The following SLC24A2 variants were observed in gnomAD, a reference collection of about 807,000 sequenced individuals.
The protein encoded by SLC24A2 is solute carrier family 24 member 2, also known as sodium/potassium/calcium exchanger 2.
In SLC24A2, 36 loss-of-function variants were observed where a neutral mutation model predicts 62.0. That is an observed-to-expected ratio of 0.58 (90% CI 0.44 to 0.77). SLC24A2 has a LOEUF of 0.77. Among genes scored for constraint, SLC24A2 ranks in the 30% least tolerant of loss-of-function variants. The probability of loss-of-function intolerance (pLI) is 0.00; values close to 1 mark genes in which losing one functional copy is unlikely to be tolerated. For synonymous variants in SLC24A2, 358 were observed against 294.0 expected (o/e 1.22, Z -2.23); for missense variants, 846 against 817.9 (o/e 1.03, Z -0.42).
chr9:19,634,281 CTTT>C (rs35884916), intron 2 of SLC24A2, among the ~76,000 whole-genome samples: 1 of 79,296 alleles, frequency 1.3e-5, no homozygotes, highest in African/African-American at 4.8e-5. Flanking sequence ...ACTGCAGCCT[CTTT>C]TTTTTTTTTT....
the SLC24A2 span, among the ~76,000 whole-genome samples, chr9:20,038,728 C>T: frequency 1.3e-5 from 2 of 150,872 alleles, no homozygotes; most frequent in South Asian, 4.2e-4. Flanking sequence ...ACTAGTTTCA[C>T]AAATAATAAG....
chr9:20,027,731 A>G, the SLC24A2 span, among the ~76,000 whole-genome samples: 1 of 152,138 alleles, frequency 6.6e-6, no homozygotes, highest in South Asian at 2.1e-4. Context: ...TTTAAGATCT[A>G]TTTCATAGCA....
chr9:20,165,079 A>G, the SLC24A2 span, among the ~76,000 whole-genome samples: 1 of 151,550 alleles, frequency 6.6e-6, no homozygotes, highest in African/African-American at 2.4e-5. Flanking sequence ...GCACATGTAT[A>G]CATATGTAAC....
At chr9:19,864,370 A>G in the SLC24A2 span, among the ~76,000 whole-genome samples, 1 of 151,896 alleles carries the variant, frequency 6.6e-6, no homozygotes, top group East Asian at 1.9e-4. Context: ...AAGAACCAGA[A>G]AAAAAAACAA....
At chr9:19,745,360 A>G (rs974671287) in intron 2 of SLC24A2, among the ~76,000 whole-genome samples, 1 of 152,168 alleles carries the variant, frequency 6.6e-6, no homozygotes, top group Non-Finnish European at 1.5e-5. Flanking sequence ...ACACCACTGA[A>G]TACTCTGGAA....
intron 2 of SLC24A2, among the ~76,000 whole-genome samples, chr9:19,683,619 A>T (rs1462087789): frequency 6.6e-6 from 1 of 151,996 alleles, no homozygotes; most frequent in Non-Finnish European, 1.5e-5. Flanking sequence ...CTAACACAAC[A>T]ATATTTAGTT....
chr9:19,961,023 GGTGTGTGTGTGTGTGT>G, the SLC24A2 span, among the ~76,000 whole-genome samples: 1 of 141,618 alleles, frequency 7.1e-6, no homozygotes, highest in Admixed American at 7.0e-5. Flanking sequence ...TAGAGGGGTG[GGTGTGTGTGTGTGTGT>G]GTGTGTGTGT....
At chr9:19,636,315 T>TTTTCCTTTCTTTCTTTCTTTC (rs1564009647) in intron 2 of SLC24A2, among the ~76,000 whole-genome samples, 7 of 40,328 alleles carry the variant, frequency 1.7e-4, no homozygotes, top group East Asian at 7.6e-4. Context: ...TTTTCTTTTC[T>TTTTCCTTTCTTTCTTTCTTTC]TTTCTTTCTT....
At chr9:19,730,117 C>A (rs1464671570) in intron 2 of SLC24A2, among the ~76,000 whole-genome samples, 2 of 152,192 alleles carry the variant, frequency 1.3e-5, no homozygotes, top group African/African-American at 4.8e-5. Context: ...ACAGGTGTCT[C>A]CCTCACTTCC....
intron 7 of SLC24A2, among the ~76,000 whole-genome samples, chr9:19,554,782 G>A (rs1418642195): frequency 1.3e-5 from 2 of 152,134 alleles, no homozygotes; most frequent in African/African-American, 2.4e-5. Flanking sequence ...GCCATGGGGT[G>A]GAGGAACAAT....
intron 5 of SLC24A2, among the ~76,000 whole-genome samples, chr9:19,586,558 G>A (rs1207332740): frequency 1.3e-5 from 2 of 151,894 alleles, no homozygotes; most frequent in African/African-American, 4.8e-5. Context: ...GACTAATAGT[G>A]TTTATAATTA....
At chr9:19,788,264 A>G (rs1463097272) in intron 1 of SLC24A2, among the ~76,000 whole-genome samples, 1 of 152,220 alleles carries the variant, frequency 6.6e-6, no homozygotes. Flanking sequence ...GTCAACGCTT[A>G]GCAGGAACGA....
At chr9:20,067,409 C>A in the SLC24A2 span, among the ~76,000 whole-genome samples, 1 of 152,040 alleles carries the variant, frequency 6.6e-6, no homozygotes, top group Non-Finnish European at 1.5e-5. Flanking sequence ...AATTCTATGT[C>A]TGATTTTTAA....
At chr9:20,255,012 C>T in the SLC24A2 span, among the ~76,000 whole-genome samples, 1 of 152,254 alleles carries the variant, frequency 6.6e-6, no homozygotes, top group Admixed American at 6.5e-5. Flanking sequence ...GATTCAATTA[C>T]CTCCTACAAG....
At chr9:20,007,455 TAG>T in the SLC24A2 span, among the ~76,000 whole-genome samples, 1 of 152,184 alleles carries the variant, frequency 6.6e-6, no homozygotes. Context: ...AAGTCTAATC[TAG>T]GTTCTCAGGC....
intron 2 of SLC24A2, among the ~76,000 whole-genome samples, chr9:19,678,437 A>T (rs1819620278): frequency 6.6e-6 from 1 of 152,210 alleles, no homozygotes; most frequent in African/African-American, 2.4e-5. Flanking sequence ...AAACCCATGA[A>T]ATGATTAAAA....
chr9:20,269,770 T>C, the SLC24A2 span, among the ~76,000 whole-genome samples: 1 of 152,238 alleles, frequency 6.6e-6, no homozygotes, highest in Non-Finnish European at 1.5e-5. Flanking sequence ...CTGAGTCATA[T>C]GGCTTCTTTG....
chr9:19,556,677 C>T (rs910104351), intron 7 of SLC24A2, among the ~76,000 whole-genome samples: 3 of 152,140 alleles, frequency 2.0e-5, no homozygotes, highest in African/African-American at 7.2e-5. Flanking sequence ...TACCTCTTAT[C>T]ATTGGGAAGC....
the SLC24A2 span, among the ~76,000 whole-genome samples, chr9:20,263,868 C>CA: frequency 9.0e-6 from 1 of 111,446 alleles, no homozygotes; most frequent in African/African-American, 3.2e-5. Flanking sequence ...CCCGCCCCCC[C>CA]CCCCCCATTA....
Sources: allele counts gnomAD v4.1 joint callset (sites outside exome capture counted in the v4.1 genomes callset), GRCh38; gene constraint gnomAD v4.1.1; transcripts MANE v1.5; gene names NCBI Gene and HGNC (gene_info 2026-07-23, HGNC 2026-07-21).